TMEM38B: variants seen among roughly 807,000 people sequenced by gnomAD.
TMEM38B encodes transmembrane protein 38B.
In TMEM38B, 24 loss-of-function variants were observed where a neutral mutation model predicts 28.7. That is an observed-to-expected ratio of 0.84 (90% confidence interval 0.61 to 1.18). The LOEUF is 1.18. Among genes scored for constraint, TMEM38B ranks in the 50% most tolerant of loss-of-function variants. TMEM38B has a pLI of 0.00. For synonymous variants in TMEM38B, 131 were observed against 127.7 expected (o/e 1.03, Z -0.17); for missense variants, 380 against 350.9 (o/e 1.08, Z -0.66).
chr9:105,724,425 C>T (rs1225090736), intron 4 of TMEM38B, among the ~76,000 whole-genome samples: 2 of 151,924 alleles, frequency 1.3e-5, no homozygotes, highest in Admixed American at 6.6e-5. Flanking sequence ...GAGTTCGACA[C>T]GAGCCTGGGC....
At chr9:105,760,841 ATTAAT>A in intron 5 of TMEM38B, 1 of 638,568 alleles carries the variant, frequency 1.6e-6, no homozygotes, top group Non-Finnish European at 2.6e-6. Flanking sequence ...GAAGTCTGTT[ATTAAT>A]AAGGTATTTC....
chr9:105,758,280 G>T, intron 5 of TMEM38B: 1 of 688,542 alleles, frequency 1.5e-6, no homozygotes, highest in Non-Finnish European at 2.6e-6. Flanking sequence ...GCTCACAGAC[G>T]TTAAATCCTT....
chr9:105,713,780 A>G (rs371262009), intron 2 of TMEM38B, among the ~76,000 whole-genome samples: 37 of 152,240 alleles, frequency 2.4e-4, no homozygotes, highest in South Asian at 1.9e-3. Flanking sequence ...GGGCCCACCC[A>G]TGGCTTCCCA....
At chr9:105,742,610 A>T (rs902495914) in intron 4 of TMEM38B, among the ~76,000 whole-genome samples, 4 of 152,178 alleles carry the variant, frequency 2.6e-5, no homozygotes, top group Non-Finnish European at 5.9e-5. Flanking sequence ...TTTAAAATGG[A>T]CTTCTTCCTA....
intron 1 of TMEM38B, among the ~76,000 whole-genome samples, chr9:105,704,229 T>TA (rs71366011): frequency 9.4e-5 from 14 of 148,838 alleles, no homozygotes; most frequent in East Asian, 2.0e-4. Context: ...ACTTAAAGTA[T>TA]AAAAAAAAAA....
intron 5 of TMEM38B, among the ~76,000 whole-genome samples, chr9:105,750,052 A>G (rs2133621880): frequency 6.6e-6 from 1 of 152,254 alleles, no homozygotes; most frequent in African/African-American, 2.4e-5. Flanking sequence ...TATTATAGCC[A>G]CCCTAGTGGG....
At chr9:105,725,580 A>G (rs1836479563) in intron 4 of TMEM38B, among the ~76,000 whole-genome samples, 1 of 152,108 alleles carries the variant, frequency 6.6e-6, no homozygotes, top group Non-Finnish European at 1.5e-5. Flanking sequence ...AGTCTACTAC[A>G]CACCTAGGCT....
intron 2 of TMEM38B, among the ~76,000 whole-genome samples, chr9:105,708,779 C>T (rs970245694): frequency 6.6e-6 from 1 of 152,018 alleles, no homozygotes; most frequent in African/African-American, 2.4e-5. Flanking sequence ...GTAGCACCTC[C>T]TCTCCCATGA....
rs1047817708 is a variant in TMEM38B, at chr9:105,775,983, G to T, written c.*1903G>T. The T allele has an allele frequency of 1.3e-5, 2 of 152,068 alleles. No homozygotes were observed. Among genetic ancestry groups the T allele is most frequent in the Admixed American group, 6.6e-5 (1 of 15,262 alleles). 9.4% of individuals were successfully genotyped at this position (152,068 alleles called of 1,614,324 possible). On this transcript the variant is annotated 3_prime_UTR_variant, in exon 6 of 6. Transcript: ENST00000374692. ...AGTATCCTATAACCCTCAATTCAAG[G>T]CTCTTTTGTAAAAAATGTACTGGAG...
chr9:105,760,973 T>G (rs1838024072), intron 5 of TMEM38B, among the ~76,000 whole-genome samples: 1 of 152,206 alleles, frequency 6.6e-6, no homozygotes, highest in African/African-American at 2.4e-5. Flanking sequence ...CCAAATACTT[T>G]TTGTTTTTAA....
At chr9:105,732,295 A>G (rs1250280245) in intron 4 of TMEM38B, among the ~76,000 whole-genome samples, 1 of 152,198 alleles carries the variant, frequency 6.6e-6, no homozygotes, top group Non-Finnish European at 1.5e-5. Context: ...TTTGCTGTGC[A>G]GAAGCTCTTG....
chr9:105,717,351 C>G (rs931672215), intron 2 of TMEM38B, among the ~76,000 whole-genome samples: 1 of 152,076 alleles, frequency 6.6e-6, no homozygotes. Context: ...AATCACTTTC[C>G]TAAAATAAAT....
chr9:105,746,382 T>A (rs577412087), intron 4 of TMEM38B, among the ~76,000 whole-genome samples: 2 of 152,362 alleles, frequency 1.3e-5, no homozygotes, highest in African/African-American at 4.8e-5. Context: ...TCTATTTGTC[T>A]GTTATTGGTG....
chr9:105,772,110 G>GAAT (rs1433867498), intron 5 of TMEM38B, among the ~76,000 whole-genome samples: 1 of 152,186 alleles, frequency 6.6e-6, no homozygotes, highest in Non-Finnish European at 1.5e-5. Context: ...GTTTCACCTT[G>GAAT]TCTGACCTTG....
chr9:105,725,715 TGTG>T (rs1442534068), intron 4 of TMEM38B, among the ~76,000 whole-genome samples: 3 of 152,036 alleles, frequency 2.0e-5, no homozygotes, highest in Admixed American at 6.6e-5. Flanking sequence ...AGAGAAAAGA[TGTG>T]GTAAAAATAT....
intron 1 of TMEM38B, among the ~76,000 whole-genome samples, chr9:105,696,802 C>T (rs117063808): frequency 0.028 from 4,217 of 152,188 alleles, 88 homozygotes; most frequent in Non-Finnish European, 0.043. Context: ...AGTGAAATAG[C>T]GTCAAGGTTG....
intron 1 of TMEM38B, among the ~76,000 whole-genome samples, chr9:105,696,755 T>A (rs551190546): frequency 3.5e-4 from 54 of 152,202 alleles, no homozygotes; most frequent in African/African-American, 1.3e-3. Context: ...CAACCAGAGA[T>A]GTGTAGGACA....
At chr9:105,709,482 A>G (rs1835815836) in intron 2 of TMEM38B, among the ~76,000 whole-genome samples, 1 of 152,028 alleles carries the variant, frequency 6.6e-6, no homozygotes, top group Non-Finnish European at 1.5e-5. Flanking sequence ...CATCTCAAAC[A>G]AGACAATTAG....
rs1295191350 is a variant in TMEM38B, at chr9:105,775,146, T to C, written c.*1066T>C. Reference sequence around the variant, plus strand: ...GTAATGTGTTATTAATTTTATTAAATGAAAACTAATCACCTTCATGTGGAA... The same window carrying C: ...GTAATGTGTTATTAATTTTATTAAACGAAAACTAATCACCTTCATGTGGAA... On this transcript the variant is annotated 3_prime_UTR_variant, in exon 6 of 6. Coordinates refer to ENST00000374692, the MANE Select transcript of TMEM38B (RefSeq NM_018112.3). 3 of 152,142 alleles carry C rather than the reference T, an allele frequency of 2.0e-5. No individual in the cohort carries two copies. The highest frequency in any genetic ancestry group is 4.4e-5 in the Non-Finnish European group (3 of 67,976). The allele number at this position is 152,142 out of a possible 1,614,324, so 9.4% of individuals were successfully genotyped here. A position where few individuals can be genotyped will look rare whatever the true frequency, so the allele number is the denominator to read the frequency against.
Sources: allele counts gnomAD v4.1 joint callset (sites outside exome capture counted in the v4.1 genomes callset), GRCh38; gene constraint gnomAD v4.1.1; transcripts MANE v1.5; gene names NCBI Gene and HGNC (gene_info 2026-07-23, HGNC 2026-07-21).